SERGEF: variants seen among roughly 807,000 people sequenced by gnomAD.
The protein encoded by SERGEF is secretion-regulating guanine nucleotide exchange factor.
SERGEF carries 51 observed loss-of-function variants against 50.0 expected under a neutral mutation model. The observed-to-expected ratio is 1.02, with a 90% CI of 0.81 to 1.29. The LOEUF (loss-of-function observed/expected upper bound fraction) is 1.29. Ranked by LOEUF, SERGEF falls within the 50% of genes most tolerant of loss-of-function variation. SERGEF has a pLI of 0.00. For synonymous variants in SERGEF, 205 were observed against 212.4 expected (o/e 0.97, Z 0.30); for missense variants, 521 against 557.0 (o/e 0.94, Z 0.65).
intron 9 of SERGEF, among the ~76,000 whole-genome samples, chr11:17,955,738 G>A (rs1177953747): frequency 6.6e-6 from 1 of 152,198 alleles, no homozygotes; most frequent in Non-Finnish European, 1.5e-5. Flanking sequence ...GTCCCACAAC[G>A]TAAACTGGAA....
intron 4 of SERGEF, chr11:18,000,782 C>G (rs866044196): frequency 1.0e-5 from 7 of 668,682 alleles, no homozygotes; most frequent in Non-Finnish European, 1.7e-5. Flanking sequence ...GACAACAACT[C>G]TCAGGGCTGG....
At chr11:17,873,269 C>G (rs1486198753) in intron 10 of SERGEF, among the ~76,000 whole-genome samples, 1 of 152,080 alleles carries the variant, frequency 6.6e-6, no homozygotes, top group African/African-American at 2.4e-5. Context: ...TTCATTTTCC[C>G]GTACCTAGAA....
At chr11:17,823,653 G>T (rs1319970532) in intron 10 of SERGEF, among the ~76,000 whole-genome samples, 1 of 152,242 alleles carries the variant, frequency 6.6e-6, no homozygotes, top group East Asian at 1.9e-4. Flanking sequence ...CAAGCACGGG[G>T]CTTGGACTAA....
intron 9 of SERGEF, among the ~76,000 whole-genome samples, chr11:17,952,819 T>A (rs777467869): frequency 6.6e-6 from 1 of 152,124 alleles, no homozygotes; most frequent in African/African-American, 2.4e-5. Context: ...AATCCAGTAG[T>A]CTTTACTCCA....
chr11:17,925,020 G>A (rs1213993897), intron 9 of SERGEF, among the ~76,000 whole-genome samples: 1 of 152,148 alleles, frequency 6.6e-6, no homozygotes, highest in African/African-American at 2.4e-5. Context: ...CAAACTTGGG[G>A]ATGGAGTTCC....
intron 10 of SERGEF, among the ~76,000 whole-genome samples, chr11:17,823,405 C>T (rs192283129): frequency 6.6e-6 from 1 of 152,308 alleles, no homozygotes; most frequent in East Asian, 1.9e-4. Context: ...CTCCCCCAAC[C>T]CCTTTCCATG....
At chr11:17,863,243 G>A (rs753093459) in intron 10 of SERGEF, among the ~76,000 whole-genome samples, 11 of 152,280 alleles carry the variant, frequency 7.2e-5, no homozygotes, top group South Asian at 2.1e-4. Flanking sequence ...CATCACTTCA[G>A]TTTTACTCTG....
chr11:17,908,366 T>C (rs1851890702), intron 9 of SERGEF, among the ~76,000 whole-genome samples: 1 of 152,064 alleles, frequency 6.6e-6, no homozygotes, highest in Non-Finnish European at 1.5e-5. Flanking sequence ...AACTCTGCCC[T>C]CTCCACAACT....
chr11:17,808,418 C>T (rs1243908888), intron 10 of SERGEF, among the ~76,000 whole-genome samples: 2 of 152,076 alleles, frequency 1.3e-5, no homozygotes, highest in Non-Finnish European at 2.9e-5. Flanking sequence ...AAAGAGCGAG[C>T]AGGGGGAAGT....
chr11:17,825,420 G>C (rs575626329), intron 10 of SERGEF, among the ~76,000 whole-genome samples: 11 of 152,298 alleles, frequency 7.2e-5, no homozygotes, highest in Non-Finnish European at 1.3e-4. Flanking sequence ...AAGAGCAAGA[G>C]AGCGTGACTT....
chr11:17,941,359 T>G (rs1852559395), intron 9 of SERGEF, among the ~76,000 whole-genome samples: 1 of 152,242 alleles, frequency 6.6e-6, no homozygotes. Flanking sequence ...ACTAAAACTC[T>G]GTACCCATCC....
chr11:17,826,273 T>G (rs1430434872), intron 10 of SERGEF, among the ~76,000 whole-genome samples: 1 of 152,234 alleles, frequency 6.6e-6, no homozygotes, highest in Non-Finnish European at 1.5e-5. Context: ...CTGAAAGGAA[T>G]GTATCAGTGC....
chr11:17,937,362 T>A (rs1852471988), intron 9 of SERGEF, among the ~76,000 whole-genome samples: 1 of 151,936 alleles, frequency 6.6e-6, no homozygotes, highest in Non-Finnish European at 1.5e-5. Context: ...CCAAATTCCA[T>A]CTCTACTAAC....
Position 17,788,196 on chromosome 11 carries a change from G to C in SERGEF, c.1266C>G (p.Ile422Met), listed in dbSNP as rs772299305. Residue 422 changes from isoleucine to methionine, a missense_variant, in exon 11 of 11, where the codon ATC (isoleucine) becomes ATG (methionine). Ile to Met is a conservative substitution (Grantham distance 10). Coordinates refer to ENST00000265965, the MANE Select transcript of SERGEF (RefSeq NM_012139.4). Reference sequence around the variant, plus strand: ...TGGCTTTCTGAGATTCAGTGTCCTCGATGGCATCTGGGGAAAGGTAGGTGA... The same window carrying C: ...TGGCTTTCTGAGATTCAGTGTCCTCCATGGCATCTGGGGAAAGGTAGGTGA... Reference protein sequence around the residue: ...PKVTYLSPDAIEDTESQKAMD... With the variant: ...PKVTYLSPDAMEDTESQKAMD... 6.2e-7 allele frequency: 1 copy of C among 1,607,138 alleles called. No homozygotes were observed. Among genetic ancestry groups the C allele is most frequent in the Admixed American group, 1.7e-5 (1 of 59,856 alleles).
chr11:17,963,231 G>A (rs1303962406), intron 8 of SERGEF, among the ~76,000 whole-genome samples: 2 of 145,340 alleles, frequency 1.4e-5, no homozygotes, highest in Admixed American at 6.9e-5. Context: ...GAGTGAATAA[G>A]GGTCACAAGA....
chr11:17,827,873 C>T (rs974962869), intron 10 of SERGEF, among the ~76,000 whole-genome samples: 12 of 152,166 alleles, frequency 7.9e-5, no homozygotes, highest in African/African-American at 2.9e-4. Context: ...TAGTTTGCTT[C>T]AAAAAGTGGA....
chr11:17,872,851 A>G (rs1208477756), intron 10 of SERGEF, among the ~76,000 whole-genome samples: 1 of 152,252 alleles, frequency 6.6e-6, no homozygotes, highest in African/African-American at 2.4e-5. Flanking sequence ...AAGATCTCCC[A>G]GAAAAATTGT....
intron 4 of SERGEF, among the ~76,000 whole-genome samples, chr11:18,002,873 T>G (rs905195070): frequency 6.6e-5 from 10 of 152,250 alleles, no homozygotes; most frequent in Non-Finnish European, 1.0e-4. Flanking sequence ...CTCCTATTGT[T>G]GCATAGAATG....
chr11:17,949,202 GC>G (rs1367034603), intron 9 of SERGEF, among the ~76,000 whole-genome samples: 5 of 152,126 alleles, frequency 3.3e-5, no homozygotes, highest in African/African-American at 1.2e-4. Context: ...ACCAGGCAAG[GC>G]CTCAGTGGTT....
Sources: gnomAD v4.1 joint callset for allele counts (sites outside exome capture counted in the v4.1 genomes callset) on GRCh38, gnomAD v4.1.1 for gene constraint, MANE v1.5 for transcripts, NCBI Gene and HGNC (gene_info 2026-07-23, HGNC 2026-07-21) for gene names.